STIM1: variants seen among roughly 807,000 people sequenced by gnomAD.
STIM1 encodes the protein stromal interaction molecule 1.
In STIM1, 25 loss-of-function variants were observed where a neutral mutation model predicts 74.7. The observed-to-expected ratio is 0.33, with a 90% CI of 0.24 to 0.47. STIM1 has a LOEUF of 0.47. STIM1 is among the 20% of genes least tolerant of loss of function. STIM1 has a pLI of 1.00. For synonymous variants in STIM1, 328 were observed against 348.8 expected (o/e 0.94, Z 0.66); for missense variants, 728 against 920.8 (o/e 0.79, Z 2.71).
intron 2 of STIM1, among the ~76,000 whole-genome samples, chr11:3,976,444 C>T (rs1036257828): frequency 3.9e-5 from 6 of 152,176 alleles, no homozygotes; most frequent in Admixed American, 2.6e-4. Flanking sequence ...AATGGCCTAA[C>T]TGTTCTGTGT....
chr11:4,084,641 T>A, intron 10 of STIM1, 32 bp from the exon 11 acceptor site: 1 of 1,287,786 alleles, frequency 7.8e-7, no homozygotes, highest in Non-Finnish European at 1.0e-6. Context: ...AATCAGATTC[T>A]CTTCTCCTTT....
At chr11:4,081,100 C>G (rs1565170106) in intron 7 of STIM1, among the ~76,000 whole-genome samples, 1 of 152,132 alleles carries the variant, frequency 6.6e-6, no homozygotes, top group Non-Finnish European at 1.5e-5. Context: ...CCCTCCTGGC[C>G]TATCTTAGCT....
At chr11:4,057,638 A>G (rs576964715) in intron 4 of STIM1, among the ~76,000 whole-genome samples, 17 of 152,204 alleles carry the variant, frequency 1.1e-4, no homozygotes, top group Non-Finnish European at 1.6e-4. Flanking sequence ...TGGGAGGCCA[A>G]GGTGGGTGGA....
chr11:3,935,130 G>T (rs188785775), intron 1 of STIM1, among the ~76,000 whole-genome samples: 39 of 152,294 alleles, frequency 2.6e-4, no homozygotes, highest in Admixed American at 2.2e-3. Context: ...TTTTAAATTG[G>T]CTCTCTTGGC....
chr11:3,983,342 G>A (rs114601821), intron 2 of STIM1, among the ~76,000 whole-genome samples: 7 of 152,352 alleles, frequency 4.6e-5, no homozygotes, highest in Admixed American at 6.5e-5. Flanking sequence ...AACTGACAGC[G>A]AGGTTGCCTC....
chr11:4,073,048 G>GT (rs56009858), intron 6 of STIM1, among the ~76,000 whole-genome samples: 4,479 of 82,764 alleles, frequency 0.054, 462 homozygotes, highest in African/African-American at 0.17. Context: ...GGACTTAGAG[G>GT]TTTTTTTTTT....
chr11:4,070,854 A>C (rs1221379043), intron 6 of STIM1, among the ~76,000 whole-genome samples: 1 of 152,246 alleles, frequency 6.6e-6, no homozygotes, highest in East Asian at 1.9e-4. Context: ...TCAGTCAGTC[A>C]GTCAGTCCTG....
chr11:3,994,195 G>C (rs1190908570), intron 2 of STIM1, among the ~76,000 whole-genome samples: 1 of 152,050 alleles, frequency 6.6e-6, no homozygotes, highest in Non-Finnish European at 1.5e-5. Flanking sequence ...ATTGTCTTCT[G>C]GCATCCATTA....
chr11:3,987,938 T>G (rs904829255), intron 2 of STIM1, among the ~76,000 whole-genome samples: 7 of 152,146 alleles, frequency 4.6e-5, no homozygotes, highest in Non-Finnish European at 8.8e-5. Flanking sequence ...GGGAGAGGCA[T>G]GAGTTTGTTT....
At chr11:3,953,342 T>G (rs2093171319) in intron 1 of STIM1, among the ~76,000 whole-genome samples, 1 of 152,168 alleles carries the variant, frequency 6.6e-6, no homozygotes, top group Admixed American at 6.5e-5. Flanking sequence ...GTTTGGGGAA[T>G]GGTTCAAGCC....
chr11:3,967,731 A>G, intron 2 of STIM1, 49 bp downstream of exon 2: 1 of 1,612,546 alleles, frequency 6.2e-7, no homozygotes, highest in South Asian at 1.1e-5. Context: ...TGTGTGAATT[A>G]GTCTTTGAAA....
At chr11:3,966,291 C>T (rs1475869529) in intron 1 of STIM1, among the ~76,000 whole-genome samples, 2 of 152,172 alleles carry the variant, frequency 1.3e-5, no homozygotes, top group African/African-American at 4.8e-5. Flanking sequence ...TGAATCACAT[C>T]TGGAACACTT....
At chr11:4,020,499 G>A (rs2093945532) in intron 2 of STIM1, among the ~76,000 whole-genome samples, 1 of 152,086 alleles carries the variant, frequency 6.6e-6, no homozygotes, top group South Asian at 2.1e-4. Context: ...ATACTAACTG[G>A]GGTGAGATGA....
intron 2 of STIM1, among the ~76,000 whole-genome samples, chr11:3,990,460 G>A (rs2135844905): frequency 6.6e-6 from 1 of 152,302 alleles, no homozygotes; most frequent in East Asian, 1.9e-4. Flanking sequence ...CATATGAATA[G>A]AATTGCTGGG....
intron 3 of STIM1, among the ~76,000 whole-genome samples, chr11:4,051,938 C>T (rs2094245898): frequency 6.6e-6 from 1 of 152,202 alleles, no homozygotes; most frequent in Admixed American, 6.5e-5. Flanking sequence ...GTGCAAAAAT[C>T]ATAAGCATTC....
chr11:4,086,577 A>G, intron 12 of STIM1, 34 bp downstream of exon 12: 1 of 1,613,668 alleles, frequency 6.2e-7, no homozygotes, highest in Non-Finnish European at 8.5e-7. Flanking sequence ...ACTTCTTGAC[A>G]AGCCGGGTAT....
At position 3,856,009 on chromosome 11, in the gene STIM1, T is replaced by A. The variant is rs916387733; in HGVS notation, c.-262T>A. ...CCCCGCAGCCACCCTGCCCGAAGTC[T>A]CCGGAAGCGGCACGAGCTCAGGCCG... is the stretch of plus-strand genomic sequence containing the variant. On this transcript the variant is annotated 5_prime_UTR_variant, in exon 1 of 13. Transcript: ENST00000526596. 1 of 530,532 alleles carries A rather than the reference T, an allele frequency of 1.9e-6. No individual in the cohort carries two copies. The highest frequency in any genetic ancestry group is 3.4e-6 in the Non-Finnish European group (1 of 292,194). The allele number at this position is 530,532 out of a possible 1,614,324, so 32.9% of individuals were successfully genotyped here. A position where few individuals can be genotyped will look rare whatever the true frequency, so the allele number is the denominator to read the frequency against.
chr11:3,984,716 G>T (rs1046288963), intron 2 of STIM1, among the ~76,000 whole-genome samples: 25 of 152,158 alleles, frequency 1.6e-4, no homozygotes, highest in African/African-American at 6.0e-4. Context: ...GTCCAACCTG[G>T]GTTCAAATCC....
intron 1 of STIM1, among the ~76,000 whole-genome samples, chr11:3,936,191 C>T (rs149024621): frequency 6.6e-6 from 1 of 152,262 alleles, no homozygotes; most frequent in African/African-American, 2.4e-5. Flanking sequence ...AGTTAAGTGA[C>T]TTGTGTGGGG....
Sources: allele counts gnomAD v4.1 joint callset (sites outside exome capture counted in the v4.1 genomes callset), GRCh38; gene constraint gnomAD v4.1.1; transcripts MANE v1.5; gene names NCBI Gene and HGNC (gene_info 2026-07-23, HGNC 2026-07-21).